Variants in BET1 observed in about 807,000 individuals in gnomAD.
The protein encoded by BET1 is BET1 homolog.
In BET1, 9 loss-of-function variants were observed where a neutral mutation model predicts 13.9. That is an observed-to-expected ratio of 0.65 (90% CI 0.39 to 1.13). The LOEUF (loss-of-function observed/expected upper bound fraction) is 1.13, where lower values mean the gene tolerates loss of function less well. Among genes scored for constraint, BET1 ranks in the 50% most tolerant of loss-of-function variants. BET1 has a pLI of 0.01. For missense variants in BET1, 127 were observed against 133.6 expected, an observed-to-expected ratio of 0.95 and a Z score of 0.24; for synonymous variants, 39 against 47.3, an observed-to-expected ratio of 0.82 and a Z score of 0.72.
exon 7 of BET1, chr7:93,963,445 T>C (rs1159537967): frequency 6.6e-6 from 1 of 152,058 alleles, no homozygotes; most frequent in South Asian, 2.1e-4. Flanking sequence ...TTCATAGCAC[T>C]TATCATTTGA....
At chr7:94,002,463 A>ATTT (rs1795929453) in intron 1 of BET1, among the ~76,000 whole-genome samples, 1 of 143,748 alleles carries the variant, frequency 7.0e-6, no homozygotes, top group East Asian at 1.9e-4. Context: ...TTTTTTAAAA[A>ATTT]AAAAAAAAAA....
At chr7:93,969,043 A>G (rs142504571) in intron 6 of BET1, among the ~76,000 whole-genome samples, 1 of 151,948 alleles carries the variant, frequency 6.6e-6, no homozygotes, top group East Asian at 1.9e-4. Context: ...CTAACAGCAT[A>G]ATTTATCTAA....
At chr7:93,994,827 G>A (rs567082945) in intron 3 of BET1, among the ~76,000 whole-genome samples, 1 of 152,262 alleles carries the variant, frequency 6.6e-6, no homozygotes, top group South Asian at 2.1e-4. Context: ...ACGGTTAGCA[G>A]TTAAATGTAC....
chr7:93,996,994 TATG>T lies in BET1; in HGVS notation c.145-676_145-674del, dbSNP rs1401240679. ...TAGTTTAAAGGTTTTTGCTTTAAAA[TATG>T]ATAATAAATTGAAAAAAATAAATAT... On this transcript the variant is annotated intron_variant, in intron 2 of 3. Transcript: ENST00000222547. 1.6e-3 allele frequency among the ~76,000 whole-genome samples: 244 copies of T among 152,066 alleles called. 1 individual carries two copies. The highest frequency in any genetic ancestry group is 5.4e-3 in the African/African-American group (225 of 41,560).
intron 2 of BET1, among the ~76,000 whole-genome samples, chr7:93,998,368 A>T (rs1157689675): frequency 6.6e-6 from 1 of 152,206 alleles, no homozygotes; most frequent in East Asian, 1.9e-4. Context: ...ACAGGAACAG[A>T]TAGGTTAAGA....
exon 7 of BET1, chr7:93,962,981 TG>T (rs1795116865): frequency 6.6e-6 from 1 of 152,084 alleles, no homozygotes; most frequent in African/African-American, 2.4e-5. Flanking sequence ...ATGGGATGTT[TG>T]GAAAAAATCC....
At chr7:93,984,483 G>T (rs1472098147) in intron 4 of BET1, among the ~76,000 whole-genome samples, 1 of 152,012 alleles carries the variant, frequency 6.6e-6, no homozygotes, top group Non-Finnish European at 1.5e-5. Context: ...AACATTAATT[G>T]TAAGTTATTT....
exon 5 of BET1, chr7:93,976,095 G>T (rs1008245040): frequency 2.4e-6 from 3 of 1,230,062 alleles, no homozygotes; most frequent in South Asian, 1.4e-5. Context: ...GAACCTGAAG[G>T]ATCCACTGTA....
chr7:93,993,442 C>A lies in BET1; in HGVS notation c.*788G>T. On this transcript the variant is annotated 3_prime_UTR_variant, in exon 4 of 4. Coordinates refer to ENST00000222547, the MANE Select transcript of BET1 (RefSeq NM_005868.6). ...TCAAGTTCAATGCCTGAGTTTCTTG[C>A]ATACTATTTCCATTTAAAGTTCAGT... is the stretch of plus-strand genomic sequence containing the variant. 1.0e-6 allele frequency: 1 copy of A among 983,014 alleles called. No homozygotes were observed. The highest frequency in any genetic ancestry group is 4.7e-5 in the South Asian group (1 of 21,242). 60.9% of individuals were successfully genotyped at this position (983,014 alleles called of 1,614,324 possible).
downstream of BET1, chr7:93,992,038 T>C (rs1795648134): frequency 2.0e-6 from 2 of 985,232 alleles, no homozygotes; most frequent in Non-Finnish European, 2.4e-6. Context: ...TTGTTTTAGA[T>C]GGAAAAAGAG....
intron 4 of BET1, among the ~76,000 whole-genome samples, chr7:93,985,179 C>T (rs937392934): frequency 6.6e-6 from 1 of 152,114 alleles, no homozygotes; most frequent in African/African-American, 2.4e-5. Flanking sequence ...GCTACTGTTG[C>T]TGGTCCTCTT....
downstream of BET1, among the ~76,000 whole-genome samples, chr7:93,990,635 T>C (rs572605933): frequency 3.3e-4 from 51 of 152,298 alleles, no homozygotes; most frequent in Admixed American, 1.3e-3. Flanking sequence ...CATAATTGTA[T>C]AATTATAACC....
chr7:93,985,417 G>T (rs1374771097), intron 4 of BET1, among the ~76,000 whole-genome samples: 1 of 152,094 alleles, frequency 6.6e-6, no homozygotes, highest in East Asian at 1.9e-4. Flanking sequence ...GGTTAAATGA[G>T]CTAGGTTACA....
rs983081595 is a variant in BET1, at chr7:93,964,530, G to C, written c.*1295C>G. The stretch of plus-strand genomic sequence containing the variant: ...CAGTCCACTGTTGAAGGGCACCCCA[G>C]TTGATTCCATGTCCTTGTTATTGTG... On this transcript the variant is annotated 3_prime_UTR_variant and NMD_transcript_variant, in exon 7 of 7. Coordinates refer to the BET1 transcript ENST00000357520. 2.0e-5 allele frequency: 3 copies of C among 152,114 alleles called. No homozygotes were observed. The East Asian group carries it at 5.8e-4, about 29-fold the overall frequency. The allele number at this position is 152,114 out of a possible 1,614,324, so 9.4% of individuals were successfully genotyped here.
chr7:93,985,167 T>G (rs1429041525), intron 4 of BET1, among the ~76,000 whole-genome samples: 2 of 152,140 alleles, frequency 1.3e-5, no homozygotes, highest in African/African-American at 2.4e-5. Flanking sequence ...GTTAGAAATA[T>G]GGCTACTGTT....
At chr7:93,993,070 A>T, downstream of BET1, 1 of 980,802 alleles carries the variant, frequency 1.0e-6, no homozygotes, top group Non-Finnish European at 1.2e-6. Context: ...TACATTCATA[A>T]CCCAAAATAT....
chr7:93,992,204 T>C (rs1027292875), downstream of BET1: 3 of 985,188 alleles, frequency 3.0e-6, no homozygotes, highest in Middle Eastern at 5.2e-4. Flanking sequence ...GAAATAAAAA[T>C]CATAAGAAAT....
intron 4 of BET1, among the ~76,000 whole-genome samples, chr7:93,977,418 C>T (rs1277755182): frequency 6.6e-6 from 1 of 151,990 alleles, no homozygotes; most frequent in African/African-American, 2.4e-5. Flanking sequence ...TAGATAAACC[C>T]CAAACAGATG....
intron 1 of BET1, among the ~76,000 whole-genome samples, chr7:94,001,028 G>A (rs1433112136): frequency 6.6e-6 from 1 of 152,188 alleles, no homozygotes; most frequent in Non-Finnish European, 1.5e-5. Flanking sequence ...TGCAGCAGCA[G>A]TGACAGGAGG....
Sources: gnomAD v4.1 joint callset for allele counts (sites outside exome capture counted in the v4.1 genomes callset) on GRCh38, gnomAD v4.1.1 for gene constraint, MANE v1.5 for transcripts, NCBI Gene and HGNC (gene_info 2026-07-23, HGNC 2026-07-21) for gene names.